Variants in MYO3A observed in about 807,000 individuals in gnomAD.
The protein encoded by MYO3A is myosin IIIA, also known as myosin-IIIa.
Under a neutral mutation model 192.7 loss-of-function variants are expected in MYO3A, and 180 were observed. The ratio of observed to expected loss-of-function variants is 0.93; its 90% CI spans 0.83 to 1.06. MYO3A has a LOEUF of 1.06. Among genes scored for constraint, MYO3A ranks in the 50% least tolerant of loss-of-function variants. The probability of loss-of-function intolerance (pLI) is 0.00; values close to 1 mark genes in which losing one functional copy is unlikely to be tolerated. For missense variants in MYO3A, 1,896 were observed against 1,905.0 expected (o/e 1.00, Z 0.09); for synonymous variants, 628 against 645.3 (o/e 0.97, Z 0.41).
intron 14 of MYO3A, among the ~76,000 whole-genome samples, chr10:26,087,892 T>C (rs1404066858): frequency 2.6e-5 from 4 of 152,202 alleles, no homozygotes; most frequent in African/African-American, 7.2e-5. Context: ...GGAGGAGGAA[T>C]AACAGAATGA....
At chr10:25,949,896 A>C (rs1380262790) in intron 2 of MYO3A, among the ~76,000 whole-genome samples, 3 of 152,200 alleles carry the variant, frequency 2.0e-5, no homozygotes, top group African/African-American at 7.2e-5. Context: ...TAGATTTGGA[A>C]GTGAACAAAA....
Position 26,128,481 on chromosome 10 carries a change from C to T in MYO3A, c.2205C>T (p.Asn735=). 2 of 1,612,566 alleles carry T rather than the reference C, an allele frequency of 1.2e-6. No homozygotes were observed. Among genetic ancestry groups the T allele is most frequent in the Non-Finnish European group, 1.7e-6 (2 of 1,178,880 alleles). The change falls in exon 20 of 35, where the codon AAC becomes AAT. Residue 735 remains asparagine (N), a synonymous_variant. Coordinates refer to ENST00000642920, the MANE Select transcript of MYO3A (RefSeq NM_017433.5). ...KKNSFEQLCI[N]IANEQIQYYY... Reference sequence around the variant, plus strand: ...ATTCCTTCGAGCAGCTGTGCATTAACATTGCAAATGAACAAATTCAGTATT... The same window carrying T: ...ATTCCTTCGAGCAGCTGTGCATTAATATTGCAAATGAACAAATTCAGTATT...
At chr10:25,939,650 T>C (rs1018625642) in intron 2 of MYO3A, among the ~76,000 whole-genome samples, 2 of 152,032 alleles carry the variant, frequency 1.3e-5, no homozygotes, top group African/African-American at 2.4e-5. Context: ...AATTTCTTAC[T>C]TAATTGCATT....
Position 26,211,878 on chromosome 10 carries a change from A to G in MYO3A, c.4766A>G (p.Glu1589Gly). 7 of 1,613,828 alleles carry G rather than the reference A, an allele frequency of 4.3e-6. No homozygotes were observed. The highest frequency in any genetic ancestry group is 5.9e-6 in the Non-Finnish European group (7 of 1,179,958). Residue 1589 changes from glutamate to glycine, a missense_variant, in exon 35 of 35, where the codon GAG becomes GGG. Glu to Gly is a moderately conservative substitution (Grantham distance 98). Transcript: ENST00000642920. ...WAAESPEKEE[E>G]REPAANPYDF... ...GCGGAGAGCCCCGAGAAGGAGGAGG[A>G]GAGAGAGCCAGCAGCCAACCCCTAC... is the stretch of plus-strand genomic sequence containing the variant.
intron 18 of MYO3A, among the ~76,000 whole-genome samples, chr10:26,124,061 C>T (rs908329038): frequency 5.9e-5 from 9 of 151,902 alleles, no homozygotes; most frequent in Non-Finnish European, 8.8e-5. Context: ...GGTTGTCATG[C>T]GCCTGTGGTC....
At chr10:26,036,006 T>C (rs1408195241) in intron 10 of MYO3A, among the ~76,000 whole-genome samples, 1 of 152,080 alleles carries the variant, frequency 6.6e-6, no homozygotes, top group East Asian at 1.9e-4. Context: ...CCATCTTGGC[T>C]CACTGCAAGT....
chr10:26,140,261 G>GTAA (rs1210468471), intron 20 of MYO3A, among the ~76,000 whole-genome samples: 15 of 152,294 alleles, frequency 9.8e-5, no homozygotes, highest in African/African-American at 2.9e-4. Flanking sequence ...AGGGCTCAAT[G>GTAA]TAATCATCTT....
rs929654535 is a variant in MYO3A at position 25,935,823 on chromosome 10, T to A, written c.-25T>A. The A allele has an allele frequency of 6.6e-6, 1 of 152,234 alleles. No homozygotes were observed. Among genetic ancestry groups the A allele is most frequent in the African/African-American group, 2.4e-5 (1 of 41,464 alleles). The allele number at this position is 152,234 out of a possible 1,614,324, so 9.4% of individuals were successfully genotyped here. A position where few individuals can be genotyped will look rare whatever the true frequency, so the allele number is the denominator to read the frequency against. On this transcript the variant is annotated 5_prime_UTR_variant, in exon 2 of 35. It introduces an in-frame stop codon into an upstream open reading frame of the 5' UTR. Transcript: ENST00000642920. ...ATTGTTATGCGTTATTTTCAAGCTT[T>A]GCTAACGGTAGGTGATAAAATTGAC...
intron 4 of MYO3A, among the ~76,000 whole-genome samples, chr10:25,982,022 G>A (rs955683292): frequency 1.1e-4 from 17 of 152,160 alleles, no homozygotes; most frequent in African/African-American, 3.9e-4. Context: ...CCAGCTGCCT[G>A]GAAATAGACT....
chr10:25,950,251 T>C (rs1837124095), intron 2 of MYO3A, among the ~76,000 whole-genome samples: 1 of 152,116 alleles, frequency 6.6e-6, no homozygotes, highest in Non-Finnish European at 1.5e-5. Flanking sequence ...TTGATGCACA[T>C]TGGTTTGTAG....
intron 6 of MYO3A, among the ~76,000 whole-genome samples, chr10:26,008,555 A>C (rs1407610799): frequency 2.9e-4 from 44 of 150,206 alleles, no homozygotes; most frequent in African/African-American, 8.2e-4. Flanking sequence ...ACCCCCTCAA[A>C]AAGTGGGCGA....
At chr10:26,105,777 C>T (rs1837762133) in intron 17 of MYO3A, among the ~76,000 whole-genome samples, 1 of 152,010 alleles carries the variant, frequency 6.6e-6, no homozygotes, top group Non-Finnish European at 1.5e-5. Context: ...TTTCCCCTAA[C>T]TCTAGGTTGT....
chr10:26,006,133 T>G (rs1564451882), intron 6 of MYO3A, among the ~76,000 whole-genome samples: 2 of 152,136 alleles, frequency 1.3e-5, no homozygotes, highest in Non-Finnish European at 2.9e-5. Flanking sequence ...AACTAGCTAC[T>G]GGGTACATAA....
At chr10:26,000,147 C>G (rs1840699972) in intron 6 of MYO3A, among the ~76,000 whole-genome samples, 1 of 152,176 alleles carries the variant, frequency 6.6e-6, no homozygotes, top group African/African-American at 2.4e-5. Context: ...ATCCTCCGTG[C>G]TGGAACAGAG....
intron 17 of MYO3A, among the ~76,000 whole-genome samples, chr10:26,097,698 C>T (rs939282108): frequency 5.9e-5 from 9 of 152,130 alleles, no homozygotes; most frequent in Admixed American, 1.3e-4. Flanking sequence ...CATCCTTGTC[C>T]CTACAAAGTA....
In MYO3A at chr10:26,120,792, C is replaced by A; in HGVS notation, c.1893C>A (p.Ala631=). The A allele has an allele frequency of 1.2e-6, 2 of 1,613,896 alleles. No individual in the cohort carries two copies. Among genetic ancestry groups the A allele is most frequent in the Non-Finnish European group, 1.7e-6 (2 of 1,179,950 alleles). Residue 631 remains alanine, a synonymous_variant, in exon 18 of 35, where the codon GCC becomes GCA. Coordinates refer to ENST00000642920, the MANE Select transcript of MYO3A (RefSeq NM_017433.5). The part of the protein sequence containing the change: ...IDKSHISNHT[A]LENCASLLCI... ...AGAGCCACATTTCTAATCATACAGC[C>A]CTGGAGAACTGTAAGTTTTATTACC...
intron 14 of MYO3A, among the ~76,000 whole-genome samples, chr10:26,081,133 T>TCCCCGCCCCCCCCCCCC (rs1835904817): frequency 1.2e-5 from 1 of 84,940 alleles, no homozygotes; most frequent in Non-Finnish European, 2.5e-5. Context: ...TATATGCCCT[T>TCCCCGCCCCCCCCCCCC]CCCCCCCCCC....
At chr10:26,084,448 G>A (rs1836175615) in intron 14 of MYO3A, among the ~76,000 whole-genome samples, 1 of 152,060 alleles carries the variant, frequency 6.6e-6, no homozygotes, top group Non-Finnish European at 1.5e-5. Context: ...ACGTAATGCT[G>A]GCTTCATAAA....
chr10:26,181,495 T>C lies in MYO3A; in HGVS notation c.4438+4650T>C, dbSNP rs1307255259. Among the ~76,000 whole-genome samples the C allele has an allele frequency of 2.0e-5, 3 of 152,134 alleles. No individual in the cohort carries two copies. In the East Asian group the frequency reaches 5.8e-4, roughly 29 times the overall value. On this transcript the variant is annotated intron_variant, in intron 31 of 34. Coordinates refer to ENST00000642920, the MANE Select transcript of MYO3A (RefSeq NM_017433.5). ...ACTGTTTAGCGTAGAAAGAGCTCTT[T>C]ATAAATCATTCGGAAAAATAGCACT...
Sources: gnomAD v4.1 joint callset for allele counts (sites outside exome capture counted in the v4.1 genomes callset) on GRCh38, gnomAD v4.1.1 for gene constraint, MANE v1.5 for transcripts, NCBI Gene and HGNC (gene_info 2026-07-23, HGNC 2026-07-21) for gene names.